The following DIP2B variants were observed in gnomAD, a reference collection of about 807,000 sequenced individuals.
DIP2B encodes the protein disco-interacting protein 2 homolog B.
Under a neutral mutation model 198.0 loss-of-function variants are expected in DIP2B, and 76 were observed. That is an observed-to-expected ratio of 0.38 (90% CI 0.32 to 0.46). The LOEUF (loss-of-function observed/expected upper bound fraction) is 0.46, where lower values mean the gene tolerates loss of function less well. DIP2B is among the 20% of genes least tolerant of loss of function. DIP2B has a pLI of 0.99. For missense variants in DIP2B, 1,559 were observed against 1,978.4 expected, an observed-to-expected ratio of 0.79 and a Z score of 4.02; for synonymous variants, 701 against 739.1, an observed-to-expected ratio of 0.95 and a Z score of 0.84.
intron 1 of DIP2B, among the ~76,000 whole-genome samples, chr12:50,541,403 CTTTTTTT>C (rs57979674): frequency 3.9e-5 from 5 of 128,618 alleles, no homozygotes; most frequent in Non-Finnish European, 6.6e-5. Flanking sequence ...AAAGAACATT[CTTTTTTT>C]TTTTTTTTTT....
At chr12:50,646,399 G>A (rs1938352136) in intron 3 of DIP2B, among the ~76,000 whole-genome samples, 1 of 148,708 alleles carries the variant, frequency 6.7e-6, no homozygotes, top group Non-Finnish European at 1.5e-5. Context: ...GGGATTACAG[G>A]CGTGAGCCAC....
chr12:50,674,685 A>G (rs1938914679), intron 6 of DIP2B, 56 bp downstream of exon 6: 3 of 1,600,224 alleles, frequency 1.9e-6, no homozygotes, highest in Admixed American at 1.7e-5. Context: ...AGAAAAATTC[A>G]AATTATGAAT....
chr12:50,537,114 ATTTTTTTTT>A (rs34202995), intron 1 of DIP2B, among the ~76,000 whole-genome samples: 40 of 32,232 alleles, frequency 1.2e-3, no homozygotes, highest in East Asian at 4.3e-3. Context: ...TTATTCTCTA[ATTTTTTTTT>A]TTTTTTTTTT....
At chr12:50,717,659 G>A (rs546180924) in intron 23 of DIP2B, among the ~76,000 whole-genome samples, 50 of 146,922 alleles carry the variant, frequency 3.4e-4, no homozygotes, top group African/African-American at 1.2e-3. Flanking sequence ...GAGCCACCAC[G>A]CCTGGCCTGC....
chr12:50,575,136 T>C (rs1346822093), intron 1 of DIP2B, among the ~76,000 whole-genome samples: 1 of 152,208 alleles, frequency 6.6e-6, no homozygotes, highest in Non-Finnish European at 1.5e-5. Context: ...CAGTTTTAAC[T>C]CTTTCATATC....
intron 1 of DIP2B, among the ~76,000 whole-genome samples, chr12:50,585,036 C>T (rs1432883364): frequency 6.6e-6 from 1 of 152,174 alleles, no homozygotes; most frequent in East Asian, 1.9e-4. Context: ...ACAGCAGGAT[C>T]TTTCATGCCC....
At chr12:50,564,034 T>C (rs1334890105) in intron 1 of DIP2B, among the ~76,000 whole-genome samples, 1 of 152,176 alleles carries the variant, frequency 6.6e-6, no homozygotes, top group African/African-American at 2.4e-5. Flanking sequence ...CTGTTCCTAT[T>C]TCCCCATAGT....
chr12:50,718,149 C>T (rs538930635), intron 23 of DIP2B, among the ~76,000 whole-genome samples: 1 of 152,198 alleles, frequency 6.6e-6, no homozygotes, highest in East Asian at 1.9e-4. Flanking sequence ...CCTCCCGCCT[C>T]GCCCTCCCAA....
chr12:50,744,919 C>A lies in DIP2B; in HGVS notation c.*80C>A. 1.3e-6 allele frequency: 2 copies of A among 1,521,800 alleles called. No individual in the cohort carries two copies. 94.3% of individuals were successfully genotyped at this position (1,521,800 alleles called of 1,614,324 possible). On this transcript the variant is annotated 3_prime_UTR_variant, in exon 38 of 38. Coordinates refer to ENST00000301180, the MANE Select transcript of DIP2B (RefSeq NM_173602.3). ...CCTCTGGCTAAGAGCAGGCTTCAAA[C>A]GATGTGAAATAAGCTGAGATGGCTA...
chr12:50,662,576 T>C (rs764958196), intron 4 of DIP2B, among the ~76,000 whole-genome samples: 1 of 152,202 alleles, frequency 6.6e-6, no homozygotes, highest in South Asian at 2.1e-4. Flanking sequence ...GAGCTACCAA[T>C]TGGCTGTTTC....
chr12:50,530,412 C>G (rs1214567687), intron 1 of DIP2B, among the ~76,000 whole-genome samples: 3 of 152,178 alleles, frequency 2.0e-5, no homozygotes, highest in African/African-American at 7.2e-5. Context: ...GAAAGAGCAT[C>G]ATATAGCATC....
intron 1 of DIP2B, among the ~76,000 whole-genome samples, chr12:50,605,820 T>G (rs1958976283): frequency 6.6e-6 from 1 of 152,148 alleles, no homozygotes; most frequent in African/African-American, 2.4e-5. Flanking sequence ...CTCTGCCTTT[T>G]CTTTTCTTTC....
At chr12:50,703,359 T>C (rs1399312454) in intron 19 of DIP2B, among the ~76,000 whole-genome samples, 2 of 151,940 alleles carry the variant, frequency 1.3e-5, no homozygotes, top group African/African-American at 4.8e-5. Flanking sequence ...GACATTCTAG[T>C]ATGATATTAA....
chr12:50,525,449 C>G (rs1958154845), intron 1 of DIP2B, among the ~76,000 whole-genome samples: 1 of 150,512 alleles, frequency 6.6e-6, no homozygotes. Context: ...ATACTTTGAA[C>G]AAAATAGGCA....
intron 1 of DIP2B, among the ~76,000 whole-genome samples, chr12:50,622,970 A>C (rs1221882756): frequency 1.3e-5 from 2 of 151,950 alleles, no homozygotes; most frequent in Non-Finnish European, 2.9e-5. Flanking sequence ...CTTAAAATTG[A>C]ATATACTGTG....
intron 1 of DIP2B, among the ~76,000 whole-genome samples, chr12:50,512,542 TCA>T (rs1245104690): frequency 6.6e-6 from 1 of 152,226 alleles, no homozygotes; most frequent in Non-Finnish European, 1.5e-5. Flanking sequence ...AAATAAAGTC[TCA>T]GTTTTGGGGA....
intron 2 of DIP2B, among the ~76,000 whole-genome samples, chr12:50,628,061 A>G (rs2139472182): frequency 6.6e-6 from 1 of 152,294 alleles, no homozygotes; most frequent in East Asian, 1.9e-4. Context: ...GGCACACAGT[A>G]TCTGTAGAGA....
intron 1 of DIP2B, among the ~76,000 whole-genome samples, chr12:50,618,641 T>C (rs924675119): frequency 6.6e-6 from 1 of 152,220 alleles, no homozygotes; most frequent in Non-Finnish European, 1.5e-5. Flanking sequence ...ATTCAAATCC[T>C]GATCACAGCA....
Position 50,723,219 on chromosome 12 carries a change from G to A in DIP2B, c.3184G>A (p.Ala1062Thr), listed in dbSNP as rs1939873870. 1.9e-6 allele frequency: 3 copies of A among 1,614,046 alleles called. No individual in the cohort carries two copies. The highest frequency in any genetic ancestry group is 1.7e-5 in the Admixed American group (1 of 59,996). Reference sequence around the variant, plus strand: ...TCTTGCAGGCATTGAGTTAATCGCCGCCTTCTATGGCTGCCTGTATGCGGG... The same window carrying A: ...TCTTGCAGGCATTGAGTTAATCGCCACCTTCTATGGCTGCCTGTATGCGGG... ...LYPPGIELIAAFYGCLYAGCI... is the reference protein window; with the variant it reads ...LYPPGIELIATFYGCLYAGCI... The change falls in exon 27 of 38, where the codon GCC becomes ACC. Residue 1062 changes from alanine (A) to threonine (T), a missense_variant. Ala to Thr is a moderately conservative substitution (Grantham distance 58). Coordinates refer to ENST00000301180, the MANE Select transcript of DIP2B (RefSeq NM_173602.3).
Sources: gnomAD v4.1 joint callset for allele counts (sites outside exome capture counted in the v4.1 genomes callset) on GRCh38, gnomAD v4.1.1 for gene constraint, MANE v1.5 for transcripts, NCBI Gene and HGNC (gene_info 2026-07-23, HGNC 2026-07-21) for gene names.